The following SETX variants were observed in gnomAD, a reference collection of about 807,000 sequenced individuals.
SETX encodes the protein helicase senataxin.
Under a neutral mutation model 227.2 loss-of-function variants are expected in SETX, and 90 were observed. The ratio of observed to expected loss-of-function variants is 0.40; its 90% CI spans 0.33 to 0.47. The LOEUF (loss-of-function observed/expected upper bound fraction) is 0.47. Among genes scored for constraint, SETX ranks in the 20% least tolerant of loss-of-function variants. SETX has a pLI of 0.91. For missense variants in SETX, 3,052 were observed against 3,181.5 expected (o/e 0.96, Z 0.98); for synonymous variants, 1,210 against 1,113.2 (o/e 1.09, Z -1.73).
intron 11 of SETX, among the ~76,000 whole-genome samples, chr9:132,303,822 A>G (rs1298941814): frequency 6.6e-6 from 1 of 152,138 alleles, no homozygotes; most frequent in East Asian, 1.9e-4. Context: ...CGTCTGAATC[A>G]CCAAAATTAA....
At chr9:132,290,616 C>A (rs894431131) in intron 15 of SETX, among the ~76,000 whole-genome samples, 1 of 148,710 alleles carries the variant, frequency 6.7e-6, no homozygotes, top group South Asian at 2.1e-4. Context: ...CCACTACAGC[C>A]AGGTGCAGCG....
At chr9:132,274,168 T>C (rs1181639417) in intron 23 of SETX, among the ~76,000 whole-genome samples, 1 of 152,154 alleles carries the variant, frequency 6.6e-6, no homozygotes, top group Non-Finnish European at 1.5e-5. Context: ...ACCTGCTGAA[T>C]TCAGTTTGTC....
chr9:132,355,027 AG>A (rs914378944), upstream of SETX: 9 of 150,554 alleles, frequency 6.0e-5, no homozygotes, highest in African/African-American at 9.8e-5. Context: ...TGTTGCCGCG[AG>A]GTAGGCCCCG....
rs1842484876 is a variant in SETX, at chr9:132,263,447, A to T, written c.*792T>A. On this transcript the variant is annotated 3_prime_UTR_variant, in exon 26 of 26. Coordinates refer to ENST00000224140, the MANE Select transcript of SETX (RefSeq NM_015046.7). ...CTCACAATATGCTGGGAGCATTTGA[A>T]TGATAGCTCAAGAATTATTCTTTCA... The T allele has an allele frequency of 6.6e-6, 1 of 152,236 alleles. No homozygotes were observed. Among genetic ancestry groups the T allele is most frequent in the Non-Finnish European group, 1.5e-5 (1 of 68,040 alleles). 9.4% of individuals were successfully genotyped at this position (152,236 alleles called of 1,614,324 possible).
Position 132,328,462 on chromosome 9 carries a change from G to A in SETX, c.3136C>T (p.Pro1046Ser), listed in dbSNP as rs775469789. Residue 1046 changes from proline to serine, a missense_variant, in exon 10 of 26, where the codon CCA becomes TCA. This residue lies in a region of SETX where 1,483 missense variants were observed against 1,312.0 expected (regional missense o/e 1.13). Transcript: ENST00000224140. Reference sequence around the variant, plus strand: ...TTAACTGTTGAAACGTGCTGCTCTGGATGTTCCCTCTCAAGGCATATTTTG... The same window carrying A: ...TTAACTGTTGAAACGTGCTGCTCTGAATGTTCCCTCTCAAGGCATATTTTG... ...QDKICLEREH[P>S]EQHVSTVNSK... 2 of 1,613,618 alleles carry A rather than the reference G, an allele frequency of 1.2e-6. No individual in the cohort carries two copies.
Position 132,286,379 on chromosome 9 carries a change from GA to G in SETX, c.6396+43del, listed in dbSNP as rs201395158. 0.25 allele frequency: 256,768 copies of G among 1,042,938 alleles called. 7,995 individuals carry two copies. Among genetic ancestry groups the G allele is most frequent in the East Asian group, 0.43 (15,726 of 36,474 alleles). 64.6% of individuals were successfully genotyped at this position (1,042,938 alleles called of 1,614,324 possible). ...AACAGTCATACTTAAATTTTAAAAA[GA>G]AAAAAAAAAAAATCAAGAAAATGCT... On this transcript the variant is annotated intron_variant, in intron 18 of 25. Coordinates refer to ENST00000224140, the MANE Select transcript of SETX (RefSeq NM_015046.7).
At position 132,349,126 on chromosome 9, in the gene SETX, CA is replaced by C. The variant is rs148250771; in HGVS notation, c.177+125del. On this transcript the variant is annotated intron_variant, in intron 3 of 25. Transcript: ENST00000224140. ...AACAACAACAAAAACAAAACAAAAA[CA>C]AAAAAAAAAACCCACAAAGTTGAAA... The C allele has an allele frequency of 0.052, 36,566 of 700,658 alleles. 163 individuals are homozygous for C. Among genetic ancestry groups the C allele is most frequent in the South Asian group, 0.08 (3,511 of 43,852 alleles). 43.4% of individuals were successfully genotyped at this position (700,658 alleles called of 1,614,324 possible).
At chr9:132,296,831 A>T (rs781565619) in intron 14 of SETX, 56 bp downstream of exon 14, 73 of 1,513,802 alleles carry the variant, frequency 4.8e-5, no homozygotes, top group Non-Finnish European at 6.3e-5. Context: ...AGTTAACTCA[A>T]GTAAAGTAAA....
chr9:132,284,164 G>A (rs537930345), intron 18 of SETX, among the ~76,000 whole-genome samples: 69 of 152,352 alleles, frequency 4.5e-4, no homozygotes, highest in African/African-American at 1.6e-3. Context: ...GGCTCACACA[G>A]TAAAGCACTG....
chr9:132,316,303 GT>G (rs1196453599), intron 10 of SETX, among the ~76,000 whole-genome samples: 1 of 152,104 alleles, frequency 6.6e-6, no homozygotes, highest in Non-Finnish European at 1.5e-5. Flanking sequence ...TGATTTCCCT[GT>G]TTTTTGCTGT....
rs1417111335 is a variant in SETX, at chr9:132,269,676, T to C, written c.7226A>G (p.Asn2409Ser). ...GTACTTGGCTCGTGTGATGGTGACA[T>C]TCAATCTCTGCAAACTTGCCAGGAA... ...IGFLASLQRL[N>S]VTITRAKYSL... The change falls in exon 25 of 26, where the codon AAT (asparagine) becomes AGT (serine). Residue 2409 changes from asparagine (N) to serine (S), a missense_variant. Asn to Ser is a conservative substitution (Grantham distance 46). Transcript: ENST00000224140. 6.2e-7 allele frequency: 1 copy of C among 1,614,192 alleles called. No homozygotes were observed. The highest frequency in any genetic ancestry group is 2.2e-5 in the East Asian group (1 of 44,886).
chr9:132,338,710 G>C (rs1332001497), intron 5 of SETX, among the ~76,000 whole-genome samples: 1 of 152,108 alleles, frequency 6.6e-6, no homozygotes, highest in Non-Finnish European at 1.5e-5. Flanking sequence ...TGCCTGTTCA[G>C]ATCTTCATCC....
At chr9:132,346,159 T>C in intron 4 of SETX, 102 bp downstream of exon 4, 1 of 931,364 alleles carries the variant, frequency 1.1e-6, no homozygotes, top group Non-Finnish European at 1.7e-6. Context: ...TATATCCTAA[T>C]TATATGTTTA....
chr9:132,309,697 A>G (rs909954891), intron 11 of SETX, among the ~76,000 whole-genome samples: 3 of 152,172 alleles, frequency 2.0e-5, no homozygotes, highest in Admixed American at 6.5e-5. Flanking sequence ...AGAAAAAAAA[A>G]AGGGGGAACA....
At chr9:132,324,064 A>C (rs2131410861) in intron 10 of SETX, among the ~76,000 whole-genome samples, 1 of 152,264 alleles carries the variant, frequency 6.6e-6, no homozygotes, top group Non-Finnish European at 1.5e-5. Context: ...TACAAATGGA[A>C]CTTGTGCTCA....
chr9:132,281,443 G>T, intron 20 of SETX, 24 bp downstream of exon 20: 1 of 1,551,834 alleles, frequency 6.4e-7, no homozygotes, highest in Non-Finnish European at 8.9e-7. Flanking sequence ...CCATTTTAAA[G>T]CAATCTGAAC....
At chr9:132,334,400 A>G (rs992360039) in intron 7 of SETX, among the ~76,000 whole-genome samples, 3 of 152,228 alleles carry the variant, frequency 2.0e-5, no homozygotes, top group Non-Finnish European at 4.4e-5. Context: ...GTGAGCTGAC[A>G]TCGCACCATT....
intron 10 of SETX, among the ~76,000 whole-genome samples, chr9:132,325,994 A>G (rs1846722779): frequency 6.6e-6 from 1 of 151,850 alleles, no homozygotes; most frequent in Admixed American, 6.6e-5. Flanking sequence ...AGTGGCTGGC[A>G]CAAATGTCTG....
In SETX at chr9:132,280,717, CTA is replaced by C. The variant is rs151325480; in HGVS notation, c.6654+748_6654+749del. On this transcript the variant is annotated intron_variant, in intron 20 of 25. Transcript: ENST00000224140. ...CTGCTCAATTATCTGTATAAATAAT[CTA>C]TGTTATTAGTAAAAAATACACATTT... Among the ~76,000 whole-genome samples the C allele has an allele frequency of 4.4e-3, 663 of 152,294 alleles. 3 individuals carry two copies. The highest frequency in any genetic ancestry group is 0.015 in the African/African-American group (632 of 41,578).
Sources: gnomAD v4.1 joint callset for allele counts (sites outside exome capture counted in the v4.1 genomes callset) on GRCh38, gnomAD v4.1.1 for gene constraint, gnomAD v4.1.1 regional missense constraint, MANE v1.5 for transcripts, NCBI Gene and HGNC (gene_info 2026-07-23, HGNC 2026-07-21) for gene names.